Variants in SCARA5 observed in about 807,000 individuals in gnomAD.
SCARA5 encodes scavenger receptor class A member 5, also known as scavenger receptor class A, member 5 (putative).
In SCARA5, 45 loss-of-function variants were observed where a neutral mutation model predicts 46.3. That is an observed-to-expected ratio of 0.97 (90% CI 0.76 to 1.24). SCARA5 has a LOEUF of 1.24. Among genes scored for constraint, SCARA5 ranks in the 50% most tolerant of loss-of-function variants. SCARA5 has a pLI of 0.00. For missense variants in SCARA5, 680 were observed against 689.0 expected (o/e 0.99, Z 0.15); for synonymous variants, 333 against 306.5 (o/e 1.09, Z -0.90).
intron 6 of SCARA5, among the ~76,000 whole-genome samples, chr8:27,905,700 CTTTTCTTT>C (rs1374857207): frequency 4.5e-5 from 3 of 66,712 alleles, no homozygotes; most frequent in East Asian, 5.9e-4. Context: ...ATTTTCTTTT[CTTTTCTTT>C]TTTTTTTTTT....
At chr8:27,986,870 G>A (rs978043981) in intron 2 of SCARA5, among the ~76,000 whole-genome samples, 23 of 152,232 alleles carry the variant, frequency 1.5e-4, no homozygotes, top group African/African-American at 5.1e-4. Context: ...TGTGCTGCAT[G>A]CAGCAAGAAC....
At chr8:27,883,207 A>C (rs2129680976) in intron 7 of SCARA5, among the ~76,000 whole-genome samples, 1 of 152,360 alleles carries the variant, frequency 6.6e-6, no homozygotes, top group East Asian at 1.9e-4. Context: ...ATTACAATGC[A>C]TTGGTTCTCC....
chr8:27,872,108 C>T (rs755220365), intron 8 of SCARA5, 38 bp from the exon 9 acceptor site: 1 of 1,610,974 alleles, frequency 6.2e-7, no homozygotes, highest in Non-Finnish European at 8.5e-7. Context: ...AGCGGATACA[C>T]AGGAGGGCGA....
chr8:27,889,275 C>T (rs1385388609), intron 7 of SCARA5, among the ~76,000 whole-genome samples: 4 of 152,340 alleles, frequency 2.6e-5, no homozygotes, highest in Non-Finnish European at 4.4e-5. Context: ...GCTTAGTTGT[C>T]GGCAACAGAT....
chr8:27,938,657 G>A (rs552131975), intron 3 of SCARA5, among the ~76,000 whole-genome samples: 1 of 152,138 alleles, frequency 6.6e-6, no homozygotes, highest in Admixed American at 6.5e-5. Flanking sequence ...ATCAGTACAC[G>A]GAGAGAGATG....
chr8:27,962,598 T>C (rs1271711777), intron 3 of SCARA5, among the ~76,000 whole-genome samples: 1 of 152,188 alleles, frequency 6.6e-6, no homozygotes, highest in Non-Finnish European at 1.5e-5. Context: ...TATTGTTCTT[T>C]CCTGCAAAGT....
Position 27,902,464 on chromosome 8 carries a change from G to A in SCARA5, c.1153+2314C>T, listed in dbSNP as rs112371221. Among the ~76,000 whole-genome samples, 576 of 152,282 alleles carry A rather than the reference G, an allele frequency of 3.8e-3. 3 individuals carry two copies. Among genetic ancestry groups the A allele is most frequent in the African/African-American group, 0.013 (546 of 41,562 alleles). ...CAGGAGCAAGGTGAATAGAGACCAC[G>A]CATCCTCCACAGCATGGGGAACGCC... On this transcript the variant is annotated intron_variant, in intron 7 of 8. Transcript: ENST00000354914.
chr8:27,931,296 T>G (rs1807769027), intron 3 of SCARA5, among the ~76,000 whole-genome samples: 1 of 152,190 alleles, frequency 6.6e-6, no homozygotes, highest in East Asian at 1.9e-4. Flanking sequence ...CTTCTGAAAC[T>G]GGTGATGAAT....
chr8:27,950,660 GGGT>G (rs1808109545), intron 3 of SCARA5, among the ~76,000 whole-genome samples: 1 of 152,092 alleles, frequency 6.6e-6, no homozygotes, highest in Non-Finnish European at 1.5e-5. Context: ...CTCACCTTGT[GGGT>G]TGGGAAGCGG....
At chr8:27,894,317 G>A (rs563295821) in intron 7 of SCARA5, among the ~76,000 whole-genome samples, 1 of 152,308 alleles carries the variant, frequency 6.6e-6, no homozygotes, top group South Asian at 2.1e-4. Context: ...ATCCACAGAG[G>A]CGACTCTCAG....
At position 27,981,870 on chromosome 8, in the gene SCARA5, G is replaced by A. The variant is rs972255495; in HGVS notation, c.112+5634C>T. 7.2e-5 allele frequency among the ~76,000 whole-genome samples: 11 copies of A among 152,282 alleles called. No homozygotes were observed. The Middle Eastern group carries it at 0.01, about 141-fold the overall frequency. On this transcript the variant is annotated intron_variant, in intron 2 of 8. Transcript: ENST00000354914. ...CCTCTCCTGCACCAGAGCCTGATGC[G>A]GCAACCTGTAAACGGCGGTGACTCT...
chr8:27,921,526 C>T (rs1191190432), intron 4 of SCARA5, 45 bp downstream of exon 4: 2 of 1,488,450 alleles, frequency 1.3e-6, no homozygotes, highest in African/African-American at 2.8e-5. Flanking sequence ...AGGAAGACCC[C>T]ATCAGAAGGG....
intron 7 of SCARA5, among the ~76,000 whole-genome samples, chr8:27,894,559 T>C (rs975676972): frequency 3.3e-5 from 5 of 152,184 alleles, no homozygotes; most frequent in Admixed American, 1.3e-4. Flanking sequence ...GTAGGTGATT[T>C]TGGTGCACAG....
intron 3 of SCARA5, among the ~76,000 whole-genome samples, chr8:27,953,299 C>T (rs898918672): frequency 1.4e-4 from 22 of 152,208 alleles, no homozygotes; most frequent in Non-Finnish European, 2.8e-4. Flanking sequence ...TCTTCCTGCC[C>T]ACGGAGGATG....
chr8:27,970,888 T>A (rs55782082), intron 2 of SCARA5, among the ~76,000 whole-genome samples: 3,225 of 151,582 alleles, frequency 0.021, 73 homozygotes, highest in African/African-American at 0.06. Flanking sequence ...GGCTTTTTTT[T>A]AAAAAAAAAC....
intron 3 of SCARA5, among the ~76,000 whole-genome samples, chr8:27,929,834 T>C (rs1255769482): frequency 6.6e-6 from 1 of 152,178 alleles, no homozygotes; most frequent in Non-Finnish European, 1.5e-5. Context: ...ACTTACAATG[T>C]AGAATTGTTA....
At chr8:27,893,463 T>C (rs1417384709) in intron 7 of SCARA5, among the ~76,000 whole-genome samples, 1 of 152,134 alleles carries the variant, frequency 6.6e-6, no homozygotes, top group African/African-American at 2.4e-5. Context: ...TAAATATATA[T>C]GTCAGACAAG....
chr8:27,893,448 T>C (rs1021037675), intron 7 of SCARA5, among the ~76,000 whole-genome samples: 1 of 152,146 alleles, frequency 6.6e-6, no homozygotes, highest in Non-Finnish European at 1.5e-5. Context: ...GCTCTCTTTG[T>C]TTTGTAAATA....
At chr8:27,915,163 A>C (rs1807441178) in intron 4 of SCARA5, among the ~76,000 whole-genome samples, 1 of 152,110 alleles carries the variant, frequency 6.6e-6, no homozygotes, top group Non-Finnish European at 1.5e-5. Flanking sequence ...CTGAGCCCCT[A>C]TCACCTTTAC....
Sources: gnomAD v4.1 joint callset for allele counts (sites outside exome capture counted in the v4.1 genomes callset) on GRCh38, gnomAD v4.1.1 for gene constraint, MANE v1.5 for transcripts, NCBI Gene and HGNC (gene_info 2026-07-23, HGNC 2026-07-21) for gene names.